ARHGEF12: variants seen among roughly 807,000 people sequenced by gnomAD.
ARHGEF12 encodes KMT2A/ARHGEF12 fusion protein.
In ARHGEF12, 66 loss-of-function variants were observed where a neutral mutation model predicts 211.2. That is an observed-to-expected ratio of 0.31 (90% CI 0.26 to 0.38). The LOEUF (loss-of-function observed/expected upper bound fraction) is 0.38, where lower values mean the gene tolerates loss of function less well. Among genes scored for constraint, ARHGEF12 ranks in the 10% least tolerant of loss-of-function variants. The pLI, the probability that ARHGEF12 is intolerant of heterozygous loss-of-function variation, is 1.00. For missense variants in ARHGEF12, 1,429 were observed against 1,869.5 expected, an observed-to-expected ratio of 0.76 and a Z score of 4.34; for synonymous variants, 592 against 638.4, an observed-to-expected ratio of 0.93 and a Z score of 1.09.
Position 120,437,427 on chromosome 11 carries a change from C to G in ARHGEF12, c.999+45C>G, listed in dbSNP as rs762086631. Reference sequence around the variant, plus strand: ...AATGATAGTGCTGTCTTTGGCTTTCCTTATACTTAAAGTATGGTATAGACA... The same window carrying G: ...AATGATAGTGCTGTCTTTGGCTTTCGTTATACTTAAAGTATGGTATAGACA... On this transcript the variant is annotated intron_variant, in intron 12 of 40. Transcript: ENST00000397843. 2.7e-6 allele frequency: 4 copies of G among 1,488,344 alleles called. No homozygotes were observed. In the South Asian group the frequency reaches 4.8e-5, roughly 18 times the overall value. The allele number at this position is 1,488,344 out of a possible 1,614,324, so 92.2% of individuals were successfully genotyped here.
chr11:120,360,795 GA>G (rs1005902078), intron 1 of ARHGEF12, among the ~76,000 whole-genome samples: 1 of 152,052 alleles, frequency 6.6e-6, no homozygotes, highest in Non-Finnish European at 1.5e-5. Context: ...AAAGAGAATA[GA>G]AAAAATATGA....
intron 3 of ARHGEF12, chr11:120,408,675 T>G (rs920790299): frequency 1.3e-5 from 2 of 152,064 alleles, no homozygotes; most frequent in African/African-American, 4.8e-5. Flanking sequence ...AATAGTATGT[T>G]TTATTTATCT....
intron 11 of ARHGEF12, 69 bp from the exon 12 acceptor site, chr11:120,437,239 C>A: frequency 1.8e-6 from 2 of 1,084,946 alleles, no homozygotes; most frequent in Non-Finnish European, 2.7e-6. Flanking sequence ...TTTTTTTTCA[C>A]ACTTTTTTCC....
At chr11:120,467,961 G>A (rs1018400170) in intron 29 of ARHGEF12, among the ~76,000 whole-genome samples, 6 of 152,064 alleles carry the variant, frequency 3.9e-5, no homozygotes, top group Non-Finnish European at 7.3e-5. Flanking sequence ...TAGTTTTATC[G>A]GTGCCCATTT....
intron 1 of ARHGEF12, among the ~76,000 whole-genome samples, chr11:120,383,361 G>C (rs569069869): frequency 7.9e-5 from 12 of 152,200 alleles, no homozygotes; most frequent in African/African-American, 2.9e-4. Context: ...GCAGTAGTGG[G>C]ATGGTTTCAG....
chr11:120,409,193 C>A, intron 3 of ARHGEF12: 2 of 539,050 alleles, frequency 3.7e-6, no homozygotes, highest in South Asian at 2.6e-5. Context: ...ATTGCACTGT[C>A]TTTTCTTCGA....
intron 29 of ARHGEF12, among the ~76,000 whole-genome samples, chr11:120,467,973 G>T (rs1946758049): frequency 6.6e-6 from 1 of 152,128 alleles, no homozygotes; most frequent in Non-Finnish European, 1.5e-5. Context: ...TGCCCATTTG[G>T]CCTACAAAGT....
rs1944930941 is a variant in ARHGEF12 at position 120,412,948 on chromosome 11, G to C, written c.199+3498G>C. Among the ~76,000 whole-genome samples, 3 of 152,170 alleles carry C rather than the reference G, an allele frequency of 2.0e-5. No homozygotes were observed. In the South Asian group the frequency reaches 6.2e-4, roughly 32 times the overall value. Reference sequence around the variant, plus strand: ...TCTTTGGTTTCAACCCCACTGCCTTGTCCATCATTTTATTAGACTATTATA... The same window carrying C: ...TCTTTGGTTTCAACCCCACTGCCTTCTCCATCATTTTATTAGACTATTATA... On this transcript the variant is annotated intron_variant, in intron 4 of 40. Coordinates refer to ENST00000397843, the MANE Select transcript of ARHGEF12 (RefSeq NM_015313.3).
Position 120,469,382 on chromosome 11 carries a change from C to T in ARHGEF12, c.2949C>T (p.Asn983=), listed in dbSNP as rs1489922469. 1.2e-6 allele frequency: 2 copies of T among 1,609,454 alleles called. No individual in the cohort carries two copies. The highest frequency in any genetic ancestry group is 1.7e-6 in the Non-Finnish European group (2 of 1,177,490). ...ATCAGGCTGTCAAGGAGGCAGAAAACAAGCAGGTAAAAAAGGAAAACAAGA... is the reference window on the plus strand; with the variant it reads ...ATCAGGCTGTCAAGGAGGCAGAAAATAAGCAGGTAAAAAAGGAAAACAAGA... The part of the protein sequence containing the change: ...YVNQAVKEAE[N]KQRLEDYQRR... The change falls in exon 30 of 41, where the codon AAC becomes AAT. Residue 983 remains asparagine (N), a synonymous_variant. Transcript: ENST00000397843.
chr11:120,422,369 T>C (rs1945218001), intron 6 of ARHGEF12, among the ~76,000 whole-genome samples: 2 of 152,184 alleles, frequency 1.3e-5, no homozygotes. Context: ...GAGCTGAGAC[T>C]GCAGTGCACT....
chr11:120,365,278 A>C (rs1169804897), intron 1 of ARHGEF12, among the ~76,000 whole-genome samples: 1 of 152,052 alleles, frequency 6.6e-6, no homozygotes, highest in African/African-American at 2.4e-5. Context: ...CTTTATTTTA[A>C]TGGAAAGGTA....
intron 1 of ARHGEF12, among the ~76,000 whole-genome samples, chr11:120,371,043 AATATTTAC>A (rs1373033570): frequency 6.6e-6 from 1 of 152,174 alleles, no homozygotes; most frequent in Non-Finnish European, 1.5e-5. Context: ...GTAAAAGGAG[AATATTTAC>A]TTTTATACTG....
intron 6 of ARHGEF12, among the ~76,000 whole-genome samples, chr11:120,424,091 A>G (rs924893005): frequency 2.6e-5 from 4 of 152,050 alleles, no homozygotes; most frequent in Non-Finnish European, 5.9e-5. Context: ...AATCTGTTTC[A>G]TGTTATGTTT....
intron 12 of ARHGEF12, among the ~76,000 whole-genome samples, chr11:120,438,051 TTCA>T (rs1384198945): frequency 6.6e-6 from 1 of 152,234 alleles, no homozygotes; most frequent in Non-Finnish European, 1.5e-5. Flanking sequence ...TTTGTGGGTG[TTCA>T]TCAAGAAGAA....
At chr11:120,403,234 C>T (rs188237119) in intron 1 of ARHGEF12, among the ~76,000 whole-genome samples, 59 of 152,246 alleles carry the variant, frequency 3.9e-4, no homozygotes, top group East Asian at 7.7e-4. Context: ...AGGCCAGGCG[C>T]GGCGGCTCAC....
chr11:120,368,909 C>T (rs538944980), intron 1 of ARHGEF12, among the ~76,000 whole-genome samples: 1 of 151,952 alleles, frequency 6.6e-6, no homozygotes, highest in South Asian at 2.1e-4. Flanking sequence ...AAATAGGCCC[C>T]AGTGTCTATT....
At chr11:120,351,817 A>G (rs368211004) in intron 1 of ARHGEF12, among the ~76,000 whole-genome samples, 8 of 152,090 alleles carry the variant, frequency 5.3e-5, no homozygotes, top group African/African-American at 1.9e-4. Context: ...TCACTGTTTT[A>G]GGTACTTCCT....
At chr11:120,354,577 C>T (rs770028919) in intron 1 of ARHGEF12, among the ~76,000 whole-genome samples, 3 of 152,106 alleles carry the variant, frequency 2.0e-5, no homozygotes, top group Non-Finnish European at 4.4e-5. Context: ...AGAAAAATTG[C>T]TTAAGAGATA....
intron 1 of ARHGEF12, among the ~76,000 whole-genome samples, chr11:120,362,644 G>A (rs759550163): frequency 2.6e-5 from 4 of 152,158 alleles, no homozygotes; most frequent in Non-Finnish European, 5.9e-5. Context: ...CAAATTAGAC[G>A]TGTATACAAA....
Sources: gnomAD v4.1 joint callset for allele counts (sites outside exome capture counted in the v4.1 genomes callset) on GRCh38, gnomAD v4.1.1 for gene constraint, MANE v1.5 for transcripts, NCBI Gene and HGNC (gene_info 2026-07-23, HGNC 2026-07-21) for gene names.